TNPO3: variants seen among roughly 807,000 people sequenced by gnomAD.
TNPO3 encodes transportin 3.
A neutral mutation model predicts 122.8 loss-of-function variants in TNPO3; 65 were observed. The observed-to-expected ratio is 0.53, with a 90% CI of 0.43 to 0.65. The LOEUF is 0.65. Ranked by LOEUF, TNPO3 falls within the 30% of genes least tolerant of loss-of-function variation. The probability of loss-of-function intolerance (pLI) is 0.00; values close to 1 mark genes in which losing one functional copy is unlikely to be tolerated. For missense variants in TNPO3, 850 were observed against 1,136.7 expected, an observed-to-expected ratio of 0.75 and a Z score of 3.63; for synonymous variants, 372 against 411.2, an observed-to-expected ratio of 0.90 and a Z score of 1.15.
chr7:128,982,118 TG>T, intron 14 of TNPO3, 129 bp downstream of exon 14: 1 of 670,954 alleles, frequency 1.5e-6, no homozygotes. Context: ...AGGTAACAGC[TG>T]GCTTAATTAG....
At position 128,972,595 on chromosome 7, in the gene TNPO3, G is replaced by A; in HGVS notation, c.2274-13C>T. Reference sequence around the variant, plus strand: ...ACGCTGAATAAACCTGGTGTGGAAAGTGAGACTAGGTATAAATGACAAGAT... The same window carrying A: ...ACGCTGAATAAACCTGGTGTGGAAAATGAGACTAGGTATAAATGACAAGAT... On this transcript the variant is annotated splice_polypyrimidine_tract_variant and intron_variant, in intron 18 of 22. Coordinates refer to ENST00000265388, the MANE Select transcript of TNPO3 (RefSeq NM_012470.4). The A allele has an allele frequency of 1.9e-6, 3 of 1,611,444 alleles. No homozygotes were observed. The highest frequency in any genetic ancestry group is 2.7e-5 in the African/African-American group (2 of 74,914).
In TNPO3 at chr7:129,023,574, A is replaced by G. The variant is rs558439824; in HGVS notation, c.121-5417T>C. 1.2e-3 allele frequency among the ~76,000 whole-genome samples: 186 copies of G among 152,252 alleles called. 1 individual carries two copies. The highest frequency in any genetic ancestry group is 4.3e-3 in the African/African-American group (179 of 41,554). The stretch of plus-strand genomic sequence containing the variant: ...CATACTAGAAAGGACAGAAGACAAT[A>G]AGACTACTAGAGTCATTTCAAAAGT... On this transcript the variant is annotated intron_variant, in intron 1 of 22. Coordinates refer to ENST00000265388, the MANE Select transcript of TNPO3 (RefSeq NM_012470.4).
intron 12 of TNPO3, 27 bp downstream of exon 12, chr7:128,986,702 T>C: frequency 6.3e-7 from 1 of 1,593,184 alleles, no homozygotes; most frequent in Non-Finnish European, 8.5e-7. Flanking sequence ...TTGAGGTGAC[T>C]ATTAGTGGTT....
chr7:128,999,913 C>T (rs561305988), intron 7 of TNPO3, among the ~76,000 whole-genome samples: 1 of 152,258 alleles, frequency 6.6e-6, no homozygotes, highest in South Asian at 2.1e-4. Flanking sequence ...AACCCCGACC[C>T]TTTCTCATTT....
Position 128,963,556 on chromosome 7 carries a change from T to G in TNPO3, c.2711+3724A>C, listed in dbSNP as rs367659840. Reference sequence around the variant, plus strand: ...GGGGAAATCCCCACTTCTGGCAAAATGTGTCATGAAGGGTCACATGCTATT... The same window carrying G: ...GGGGAAATCCCCACTTCTGGCAAAAGGTGTCATGAAGGGTCACATGCTATT... On this transcript the variant is annotated intron_variant, in intron 21 of 22. Coordinates refer to ENST00000265388, the MANE Select transcript of TNPO3 (RefSeq NM_012470.4). Among the ~76,000 whole-genome samples the G allele has an allele frequency of 1.9e-4, 29 of 152,326 alleles. 1 individual carries two copies. The highest frequency in any genetic ancestry group is 1.7e-3 in the East Asian group (9 of 5,186).
At chr7:128,968,237 T>G (rs1798113396) in intron 20 of TNPO3, among the ~76,000 whole-genome samples, 1 of 152,204 alleles carries the variant, frequency 6.6e-6, no homozygotes, top group Non-Finnish European at 1.5e-5. Flanking sequence ...ATAAGTCCTA[T>G]CCATTCAGTT....
At chr7:129,041,994 C>T (rs1807432279) in intron 1 of TNPO3, among the ~76,000 whole-genome samples, 1 of 152,106 alleles carries the variant, frequency 6.6e-6, no homozygotes, top group Non-Finnish European at 1.5e-5. Flanking sequence ...TCTAAAACTG[C>T]CAAATCAACC....
chr7:128,966,373 A>G (rs1797929311), intron 21 of TNPO3, among the ~76,000 whole-genome samples: 1 of 152,196 alleles, frequency 6.6e-6, no homozygotes, highest in African/African-American at 2.4e-5. Flanking sequence ...GTATGATTAT[A>G]AGTCATTGTC....
intron 21 of TNPO3, among the ~76,000 whole-genome samples, chr7:128,962,371 C>CAAAA (rs11287209): frequency 9.8e-6 from 1 of 102,236 alleles, no homozygotes; most frequent in Non-Finnish European, 2.0e-5. Flanking sequence ...GACTCCGTCT[C>CAAAA]AAAAAAAAAA....
In TNPO3 at chr7:128,979,014, G is replaced by T. The variant is rs1411451826; in HGVS notation, c.2030C>A (p.Ser677Tyr). The change falls in exon 16 of 23, where the codon TCT becomes TAT. Residue 677 changes from serine (S) to tyrosine (Y), a missense_variant. Transcript: ENST00000265388. ...RFAVRCVGKG[S>Y]AALLQPLVTQ... ...GACTAGTGGCTGCAGCAGTGCTGCA[G>T]ATCCTTTGCCTACACAGCGAACAGC... The T allele has an allele frequency of 6.2e-7, 1 of 1,614,178 alleles. No individual in the cohort carries two copies. Among genetic ancestry groups the T allele is most frequent in the Non-Finnish European group, 8.5e-7 (1 of 1,180,014 alleles).
rs147891712 is a variant in TNPO3, at chr7:128,994,024, C to T, written c.1159-110G>A. Reference sequence around the variant, plus strand: ...CATTAAGCAGTCAAGTTTCAATGAACAAAAGTTGCCTAAATCACGAGGGTA... The same window carrying T: ...CATTAAGCAGTCAAGTTTCAATGAATAAAAGTTGCCTAAATCACGAGGGTA... On this transcript the variant is annotated intron_variant, in intron 8 of 22. Transcript: ENST00000265388. 474 of 942,540 alleles carry T rather than the reference C, an allele frequency of 5.0e-4. 3 individuals are homozygous for T. In the African/African-American group the frequency reaches 7.3e-3, roughly 15 times the overall value. The allele number at this position is 942,540 out of a possible 1,614,324, so 58.4% of individuals were successfully genotyped here.
At chr7:128,995,716 T>G (rs1313041212) in intron 8 of TNPO3, among the ~76,000 whole-genome samples, 1 of 151,286 alleles carries the variant, frequency 6.6e-6, no homozygotes, top group Non-Finnish European at 1.5e-5. Context: ...TTTATTTTTT[T>G]GAGACTGAGT....
At chr7:129,041,708 T>G in intron 1 of TNPO3, 1 of 985,428 alleles carries the variant, frequency 1.0e-6, no homozygotes, top group African/African-American at 1.7e-5. Context: ...AGCAGCACAT[T>G]TCAAAGAGGC....
rs779599799 is a variant in TNPO3, at chr7:128,979,952, A to G, written c.1920+19T>C. 6.2e-7 allele frequency: 1 copy of G among 1,612,118 alleles called. No homozygotes were observed. The highest frequency in any genetic ancestry group is 8.5e-7 in the Non-Finnish European group (1 of 1,178,202). On this transcript the variant is annotated intron_variant, in intron 15 of 22. Coordinates refer to ENST00000265388, the MANE Select transcript of TNPO3 (RefSeq NM_012470.4). The stretch of plus-strand genomic sequence containing the variant: ...AAAAGAAGCAAGCCTTGATTCCACA[A>G]GCATCCATTAGCACTTACTTCCTGT...
intron 1 of TNPO3, among the ~76,000 whole-genome samples, chr7:129,051,634 C>T (rs1183030628): frequency 6.6e-6 from 1 of 151,978 alleles, no homozygotes; most frequent in Non-Finnish European, 1.5e-5. Flanking sequence ...ATGGGCCTGG[C>T]CTGGCTGGCA....
chr7:129,011,448 A>G (rs1191486760), intron 4 of TNPO3, among the ~76,000 whole-genome samples: 1 of 152,152 alleles, frequency 6.6e-6, no homozygotes, highest in Admixed American at 6.5e-5. Context: ...GGTTCAAGCA[A>G]TTCTCCTGCC....
intron 1 of TNPO3, among the ~76,000 whole-genome samples, chr7:129,020,040 C>T (rs1036093291): frequency 2.6e-5 from 4 of 151,856 alleles, no homozygotes; most frequent in African/African-American, 9.7e-5. Context: ...TGGTGGCATG[C>T]ACCTGTGATC....
intron 5 of TNPO3, 33 bp from the exon 6 acceptor site, chr7:129,001,267 G>A (rs375001578): frequency 1.9e-6 from 3 of 1,580,284 alleles, no homozygotes; most frequent in Non-Finnish European, 2.6e-6. Context: ...GAAGCAAGAA[G>A]TATGATCACT....
chr7:128,963,575 T>C (rs1585320937), intron 21 of TNPO3, among the ~76,000 whole-genome samples: 1 of 152,350 alleles, frequency 6.6e-6, no homozygotes, highest in Middle Eastern at 3.4e-3. Flanking sequence ...AAGGGTCACA[T>C]GCTATTTTTC....
Sources: allele counts gnomAD v4.1 joint callset (sites outside exome capture counted in the v4.1 genomes callset), GRCh38; gene constraint gnomAD v4.1.1; transcripts MANE v1.5; gene names NCBI Gene and HGNC (gene_info 2026-07-23, HGNC 2026-07-21).